The following PTPN14 variants were observed in gnomAD, a reference collection of about 807,000 sequenced individuals.
PTPN14 encodes the protein protein tyrosine phosphatase non-receptor type 14.
A neutral mutation model predicts 126.8 loss-of-function variants in PTPN14; 53 were observed. The observed-to-expected ratio is 0.42, with a 90% CI of 0.34 to 0.53. The LOEUF is 0.53. Ranked by LOEUF, PTPN14 falls within the 20% of genes least tolerant of loss-of-function variation. PTPN14 has a pLI of 0.08. For synonymous variants in PTPN14, 630 were observed against 599.3 expected (o/e 1.05, Z -0.75); for missense variants, 1,257 against 1,552.9 (o/e 0.81, Z 3.20).
intron 2 of PTPN14, among the ~76,000 whole-genome samples, chr1:214,459,157 T>C (rs1660451771): frequency 6.6e-6 from 1 of 150,414 alleles, no homozygotes; most frequent in Non-Finnish European, 1.5e-5. Context: ...TTCTTTTTTT[T>C]TTTTTTTGAG....
intron 1 of PTPN14, chr1:214,530,357 G>A (rs113881749): frequency 0.1 from 5,321 of 51,486 alleles, 147 homozygotes; most frequent in Non-Finnish European, 0.14. Flanking sequence ...TTTTTTTTTT[G>A]AGACAGGGTC....
intron 1 of PTPN14, among the ~76,000 whole-genome samples, chr1:214,534,004 A>T (rs1655631999): frequency 6.6e-6 from 1 of 152,212 alleles, no homozygotes; most frequent in African/African-American, 2.4e-5. Context: ...TGTTTTACTC[A>T]ATGTAATAGA....
intron 3 of PTPN14, among the ~76,000 whole-genome samples, chr1:214,424,845 G>A (rs529978357): frequency 1.8e-3 from 86 of 48,346 alleles, no homozygotes; most frequent in African/African-American, 6.6e-3. Context: ...CACCGTGCCC[G>A]GCCCGCCCAC....
intron 1 of PTPN14, among the ~76,000 whole-genome samples, chr1:214,481,352 C>CA (rs947989477): frequency 6.0e-5 from 9 of 151,008 alleles, no homozygotes; most frequent in African/African-American, 2.2e-4. Flanking sequence ...ACTAAAAATA[C>CA]AAAAAAAATT....
At chr1:214,424,453 G>A (rs902623269) in intron 3 of PTPN14, among the ~76,000 whole-genome samples, 11 of 152,064 alleles carry the variant, frequency 7.2e-5, no homozygotes, top group African/African-American at 9.7e-5. Context: ...GAGATAATTC[G>A]GAGATCCTGC....
chr1:214,415,203 C>G (rs1659399156), intron 3 of PTPN14, among the ~76,000 whole-genome samples: 1 of 148,530 alleles, frequency 6.7e-6, no homozygotes, highest in African/African-American at 2.6e-5. Flanking sequence ...AAATCAAATA[C>G]AGTTTTCACC....
chr1:214,482,268 A>G (rs1281184941), intron 1 of PTPN14, among the ~76,000 whole-genome samples: 1 of 140,956 alleles, frequency 7.1e-6, no homozygotes, highest in Non-Finnish European at 1.6e-5. Context: ...AGGGTTGTAA[A>G]AAAAATTATT....
chr1:214,549,076 A>G (rs555947329), intron 1 of PTPN14, among the ~76,000 whole-genome samples: 1 of 152,198 alleles, frequency 6.6e-6, no homozygotes, highest in Non-Finnish European at 1.5e-5. Flanking sequence ...AGATGCTGGT[A>G]GAGGGGCTTG....
intron 3 of PTPN14, among the ~76,000 whole-genome samples, chr1:214,449,131 C>T (rs1241320727): frequency 1.3e-5 from 2 of 150,122 alleles, no homozygotes; most frequent in African/African-American, 4.9e-5. Flanking sequence ...CTCAGCCTCC[C>T]GAGTAGCTGG....
At chr1:214,472,826 G>T (rs1052294721) in intron 1 of PTPN14, among the ~76,000 whole-genome samples, 2 of 152,152 alleles carry the variant, frequency 1.3e-5, no homozygotes. Flanking sequence ...TATACTGGGG[G>T]TATTCTCACA....
At chr1:214,520,047 C>CAAAAAAAAAAAAAAAAA (rs1183768381) in intron 1 of PTPN14, among the ~76,000 whole-genome samples, 1 of 80,766 alleles carries the variant, frequency 1.2e-5, no homozygotes, top group Non-Finnish European at 2.1e-5. Flanking sequence ...AACCCTGTCT[C>CAAAAAAAAAAAAAAAAA]AAAAAAAAAA....
At chr1:214,434,577 A>G (rs2102612510) in intron 3 of PTPN14, among the ~76,000 whole-genome samples, 1 of 152,364 alleles carries the variant, frequency 6.6e-6, no homozygotes, top group South Asian at 2.1e-4. Context: ...AGGAAGTATA[A>G]AAGTGTGAAA....
At chr1:214,492,152 A>G (rs1255877661) in intron 1 of PTPN14, among the ~76,000 whole-genome samples, 1 of 152,156 alleles carries the variant, frequency 6.6e-6, no homozygotes, top group African/African-American at 2.4e-5. Flanking sequence ...ACATTTACTA[A>G]AGGAACCTAT....
chr1:214,457,320 T>C (rs953685918), intron 2 of PTPN14, among the ~76,000 whole-genome samples: 3 of 152,196 alleles, frequency 2.0e-5, no homozygotes, highest in African/African-American at 7.2e-5. Flanking sequence ...AGTTTGGTTT[T>C]TAAAAGCTTT....
chr1:214,453,993 A>G (rs1660328720), intron 2 of PTPN14, among the ~76,000 whole-genome samples: 1 of 152,156 alleles, frequency 6.6e-6, no homozygotes, highest in South Asian at 2.1e-4. Flanking sequence ...TCAATTCAAG[A>G]AACTTATCTG....
chr1:214,533,539 A>T (rs1398831024), intron 1 of PTPN14: 4 of 319,878 alleles, frequency 1.3e-5, no homozygotes, highest in Non-Finnish European at 2.3e-5. Flanking sequence ...TTAAATAAAA[A>T]AAAAAAAAAA....
chr1:214,397,852 C>T, intron 8 of PTPN14, 61 bp downstream of exon 8: 3 of 1,368,926 alleles, frequency 2.2e-6, no homozygotes, highest in Non-Finnish European at 3.1e-6. Context: ...GTTAATGTAA[C>T]ATTAACATTA....
intron 8 of PTPN14, 87 bp downstream of exon 8, chr1:214,397,826 C>G (rs1658921608): frequency 4.5e-6 from 5 of 1,123,154 alleles, no homozygotes; most frequent in Non-Finnish European, 6.5e-6. Context: ...CAGTTTGGCT[C>G]TTAACTCATT....
At chr1:214,542,365 T>A (rs570084982) in intron 1 of PTPN14, among the ~76,000 whole-genome samples, 1 of 152,172 alleles carries the variant, frequency 6.6e-6, no homozygotes, top group Non-Finnish European at 1.5e-5. Flanking sequence ...GGGGACAGCA[T>A]ACACAAAGTG....
Sources: allele counts gnomAD v4.1 joint callset (sites outside exome capture counted in the v4.1 genomes callset), GRCh38; gene constraint gnomAD v4.1.1; transcripts MANE v1.5; gene names NCBI Gene and HGNC (gene_info 2026-07-23, HGNC 2026-07-21).